The following PRICKLE2 variants were observed in gnomAD, a reference collection of about 807,000 sequenced individuals.
PRICKLE2 encodes prickle planar cell polarity protein 2, also known as prickle-like protein 2.
In PRICKLE2, 21 loss-of-function variants were observed where a neutral mutation model predicts 81.4. The ratio of observed to expected loss-of-function variants is 0.26; its 90% confidence interval spans 0.18 to 0.37. The LOEUF is 0.37. PRICKLE2 is among the 10% of genes least tolerant of loss of function. The pLI is 1.00. For missense variants in PRICKLE2, 940 were observed against 1,109.0 expected (o/e 0.85, Z 2.16); for synonymous variants, 456 against 421.5 (o/e 1.08, Z -1.00).
chr3:64,099,592 A>G lies in PRICKLE2; in HGVS notation c.1994T>C (p.Met665Thr), dbSNP rs200223474. ...PGQEGVRIQP[M>T]SERTRRRATS... Reference sequence around the variant, plus strand: ...AGCTCTTCTCCGGGTGCGTTCACTCATGGGCTGGATCCTCACGCCCTCCTG... The same window carrying G: ...AGCTCTTCTCCGGGTGCGTTCACTCGTGGGCTGGATCCTCACGCCCTCCTG... Residue 665 changes from methionine to threonine, a missense_variant, in exon 8 of 8, where the codon ATG becomes ACG. This residue lies in a region of PRICKLE2 where 670 missense variants were observed against 717.2 expected (regional missense o/e 0.93). Coordinates refer to ENST00000638394, the MANE Select transcript of PRICKLE2 (RefSeq NM_198859.4). The surrounding 1 kb of genome is among the most constrained non-coding windows in gnomAD (Gnocchi z 4.3). 108 of 1,613,734 alleles carry G rather than the reference A, an allele frequency of 6.7e-5. No individual in the cohort carries two copies. The highest frequency in any genetic ancestry group is 8.6e-5 in the Non-Finnish European group (101 of 1,180,024).
rs2107015250 is a variant in PRICKLE2 at position 64,147,121 on chromosome 3, T to G, written c.1369A>C (p.Met457Leu). 4 of 1,614,180 alleles carry G rather than the reference T, an allele frequency of 2.5e-6. No homozygotes were observed. The highest frequency in any genetic ancestry group is 3.4e-6 in the Non-Finnish European group (4 of 1,180,032). The change falls in exon 7 of 8, where the codon ATG becomes CTG. Residue 457 changes from methionine (M) to leucine (L), a missense_variant. By Grantham distance (15) the Met-to-Leu change is conservative. Around this residue, in one of 2 missense-constraint regions of PRICKLE2, gnomAD observed 670 missense variants for 717.2 expected, o/e 0.93. Coordinates refer to ENST00000638394, the MANE Select transcript of PRICKLE2 (RefSeq NM_198859.4). The surrounding 1 kb of genome is among the most constrained non-coding windows in gnomAD (Gnocchi z 5.0). ...ATGAAGCTGCCAGCATGTCCTGTCATGGCCAGTGACGAGCTCCTTTTGGGG... is the reference window on the plus strand; with the variant it reads ...ATGAAGCTGCCAGCATGTCCTGTCAGGGCCAGTGACGAGCTCCTTTTGGGG... ...SNPKRSSSLA[M>L]TGHAGSFIKE...
chr3:64,210,558 G>C (rs553321269), intron 1 of PRICKLE2, among the ~76,000 whole-genome samples: 2 of 152,286 alleles, frequency 1.3e-5, no homozygotes, highest in African/African-American at 4.8e-5. Flanking sequence ...CTGGCCATCT[G>C]CACCAAGAAG....
chr3:64,204,133 C>T (rs111801104), intron 1 of PRICKLE2, among the ~76,000 whole-genome samples: 5,335 of 152,276 alleles, frequency 0.035, 307 homozygotes, highest in African/African-American at 0.12. Context: ...TCTTGGCCTA[C>T]GTTCTCAGAG....
At chr3:64,216,947 C>G (rs376972239) in intron 1 of PRICKLE2, among the ~76,000 whole-genome samples, 10 of 152,300 alleles carry the variant, frequency 6.6e-5, no homozygotes, top group African/African-American at 2.2e-4. Flanking sequence ...CTGGCAACTT[C>G]TGAGATGATG....
At chr3:64,235,596 G>C (rs557511516) in intron 2 of PRICKLE2, among the ~76,000 whole-genome samples, 4 of 152,170 alleles carry the variant, frequency 2.6e-5, no homozygotes, top group Non-Finnish European at 5.9e-5. Flanking sequence ...CAAGTTGAGC[G>C]AAGTCTGTTT....
intron 2 of PRICKLE2, among the ~76,000 whole-genome samples, chr3:64,241,888 A>G (rs2079271106): frequency 6.6e-6 from 1 of 152,160 alleles, no homozygotes; most frequent in Non-Finnish European, 1.5e-5. Context: ...TCCCTACAAA[A>G]CAAAACCCAC....
upstream of PRICKLE2, among the ~76,000 whole-genome samples, chr3:64,228,561 G>T (rs1263385154): frequency 2.6e-5 from 4 of 151,272 alleles, no homozygotes; most frequent in South Asian, 2.1e-4. Context: ...AATTATACTG[G>T]TAGGTATTAG....
chr3:64,147,581 C>G lies in PRICKLE2; in HGVS notation c.909G>C (p.Gln303His), dbSNP rs1332953474. 1 of 1,614,250 alleles carries G rather than the reference C, an allele frequency of 6.2e-7. No individual in the cohort carries two copies. The highest frequency in any genetic ancestry group is 2.2e-5 in the East Asian group (1 of 44,878). Residue 303 changes from glutamine (Q) to histidine (H), a missense_variant, in exon 7 of 8, where the codon CAG becomes CAC. By Grantham distance (24) the Gln-to-His change is conservative. This residue lies in a region of PRICKLE2 where 670 missense variants were observed against 717.2 expected (regional missense o/e 0.93). Transcript: ENST00000638394. The surrounding 1 kb of genome is among the most constrained non-coding windows in gnomAD (Gnocchi z 5.0). ...LGRPFLPKQG[Q>H]IFCSRACSAG... Reference sequence around the variant, plus strand: ...CACTGCAGGCCCGTGAGCAGAATATCTGGCCCTGCTTCGGGAGGAATGGCC... The same window carrying G: ...CACTGCAGGCCCGTGAGCAGAATATGTGGCCCTGCTTCGGGAGGAATGGCC...
At chr3:64,174,801 T>G (rs2077994038) in intron 2 of PRICKLE2, 1 of 216,746 alleles carries the variant, frequency 4.6e-6, no homozygotes, top group South Asian at 8.2e-5. Flanking sequence ...TTAGCCATCT[T>G]GCTTGGATAA....
intron 1 of PRICKLE2, among the ~76,000 whole-genome samples, chr3:64,221,269 T>G (rs2078947230): frequency 6.6e-6 from 1 of 151,966 alleles, no homozygotes; most frequent in Non-Finnish European, 1.5e-5. Context: ...CTCTGCCTTA[T>G]CCCCAGGGAA....
rs2076540546 is a variant in PRICKLE2 at position 64,094,320 on chromosome 3, GGTAA to G, written c.*4727_*4730del. ...GGTAGGTTTAAGAACAGACCTTACTGGTAAGTAACTCTCTCTGAAAAATTTAGAA... is the reference window on the plus strand; with the variant it reads ...GGTAGGTTTAAGAACAGACCTTACTGGTAACTCTCTCTGAAAAATTTAGAA... On this transcript the variant is annotated 3_prime_UTR_variant, in exon 8 of 8. Coordinates refer to ENST00000638394, the MANE Select transcript of PRICKLE2 (RefSeq NM_198859.4). 3 of 152,288 alleles carry G rather than the reference GGTAA, an allele frequency of 2.0e-5. No homozygotes were observed. Among genetic ancestry groups the G allele is most frequent in the African/African-American group, 7.2e-5 (3 of 41,548 alleles). 9.4% of individuals were successfully genotyped at this position (152,288 alleles called of 1,614,324 possible).
At chr3:64,208,870 A>G (rs986439320) in intron 1 of PRICKLE2, among the ~76,000 whole-genome samples, 3 of 152,182 alleles carry the variant, frequency 2.0e-5, no homozygotes, top group Non-Finnish European at 4.4e-5. Context: ...GTACAGTGTC[A>G]AAATATTCCT....
At position 64,147,021 on chromosome 3, in the gene PRICKLE2, C is replaced by T. The variant is rs1218612758; in HGVS notation, c.1469G>A (p.Ser490Asn). 6.2e-7 allele frequency: 1 copy of T among 1,614,172 alleles called. No individual in the cohort carries two copies. The highest frequency in any genetic ancestry group is 2.2e-5 in the East Asian group (1 of 44,864). Reference protein sequence around the residue: ...QESYSDMSSQSFSETRGSIQV... With the variant: ...QESYSDMSSQNFSETRGSIQV... ...GATGCTGCCTCGGGTCTCACTGAAA[C>T]TCTGACTAGACATATCACTGTAGCT... The change falls in exon 7 of 8, where the codon AGT becomes AAT. Residue 490 changes from serine to asparagine, a missense_variant. This residue lies in a region of PRICKLE2 where 670 missense variants were observed against 717.2 expected (regional missense o/e 0.93). Coordinates refer to ENST00000638394, the MANE Select transcript of PRICKLE2 (RefSeq NM_198859.4). The surrounding 1 kb of genome is among the most constrained non-coding windows in gnomAD (Gnocchi z 5.0).
intron 2 of PRICKLE2, among the ~76,000 whole-genome samples, chr3:64,231,952 AAAAC>A (rs1180345933): frequency 3.3e-5 from 5 of 152,324 alleles, no homozygotes; most frequent in African/African-American, 1.2e-4. Context: ...AACAAAAACG[AAAAC>A]AAAAACAAAA....
Position 64,147,334 on chromosome 3 carries a change from G to A in PRICKLE2, c.1156C>T (p.Pro386Ser). The change falls in exon 7 of 8, where the codon CCC (proline) becomes TCC (serine). Residue 386 changes from proline to serine, a missense_variant. By Grantham distance (74) the Pro-to-Ser change is moderately conservative. This residue lies in a region of PRICKLE2 where 670 missense variants were observed against 717.2 expected (regional missense o/e 0.93). Transcript: ENST00000638394. The surrounding 1 kb of genome is among the most constrained non-coding windows in gnomAD (Gnocchi z 5.0). ...CAGATGGGGTCCCGGTTGAGGCTGGGTGTCTGGCTGGACAGGCTGAGCATG... is the reference window on the plus strand; with the variant it reads ...CAGATGGGGTCCCGGTTGAGGCTGGATGTCTGGCTGGACAGGCTGAGCATG... ...MDMLSLSSQT[P>S]SLNRDPIWRS... The A allele has an allele frequency of 1.2e-6, 2 of 1,614,152 alleles. No homozygotes were observed. The highest frequency in any genetic ancestry group is 2.2e-5 in the East Asian group (1 of 44,876).
chr3:64,262,345 G>A (rs2079627338), intron 2 of PRICKLE2, among the ~76,000 whole-genome samples: 1 of 152,162 alleles, frequency 6.6e-6, no homozygotes, highest in Admixed American at 6.5e-5. Context: ...GTAGCTGGAG[G>A]TGCCATTTGT....
At position 64,147,867 on chromosome 3, in the gene PRICKLE2, T is replaced by C. The variant is rs1420925437; in HGVS notation, c.788-165A>G. 4.6e-5 allele frequency among the ~76,000 whole-genome samples: 7 copies of C among 152,202 alleles called. No individual in the cohort carries two copies. The highest frequency in any genetic ancestry group is 1.2e-4 in the African/African-American group (5 of 41,444). ...TTATGTAAATGGTATTCACGTCCTATTACGAGAAGTCCTTGTTGTACCAGT... is the reference window on the plus strand; with the variant it reads ...TTATGTAAATGGTATTCACGTCCTACTACGAGAAGTCCTTGTTGTACCAGT... On this transcript the variant is annotated intron_variant, in intron 6 of 7. Coordinates refer to ENST00000638394, the MANE Select transcript of PRICKLE2 (RefSeq NM_198859.4). The surrounding 1 kb of genome is among the most constrained non-coding windows in gnomAD (Gnocchi z 5.0).
At chr3:64,252,019 T>C (rs1181396140) in intron 2 of PRICKLE2, among the ~76,000 whole-genome samples, 1 of 152,106 alleles carries the variant, frequency 6.6e-6, no homozygotes, top group Non-Finnish European at 1.5e-5. Context: ...TGGTCAGACC[T>C]TCCTATGGGT....
intron 2 of PRICKLE2, among the ~76,000 whole-genome samples, chr3:64,181,136 T>G (rs953791474): frequency 6.6e-6 from 1 of 152,216 alleles, no homozygotes; most frequent in Non-Finnish European, 1.5e-5. Flanking sequence ...TTATAGCTTC[T>G]GAATTATTAG....
Sources: gnomAD v4.1 joint callset for allele counts (sites outside exome capture counted in the v4.1 genomes callset) on GRCh38, gnomAD v4.1.1 for gene constraint, gnomAD v4.1.1 regional missense constraint, Gnocchi (gnomAD v3.1) non-coding constraint, MANE v1.5 for transcripts, NCBI Gene and HGNC (gene_info 2026-07-23, HGNC 2026-07-21) for gene names.